FBRSL1: variants seen among roughly 807,000 people sequenced by gnomAD.
FBRSL1 encodes fibrosin like 1.
In FBRSL1, 51 loss-of-function variants were observed where a neutral mutation model predicts 89.6. The observed-to-expected ratio is 0.57, with a 90% CI of 0.45 to 0.72. The LOEUF is 0.72. FBRSL1 is among the 30% of genes least tolerant of loss of function. The pLI is 0.00. For missense variants in FBRSL1, 1,618 were observed against 1,451.8 expected (o/e 1.11, Z -1.86); for synonymous variants, 779 against 681.1 (o/e 1.14, Z -2.24).
chr12:132,574,836 G>A (rs146234351), intron 14 of FBRSL1, among the ~76,000 whole-genome samples: 197 of 152,254 alleles, frequency 1.3e-3, no homozygotes, highest in African/African-American at 4.6e-3. Flanking sequence ...CAGGGGCACG[G>A]GGTGCCGCAC....
intron 1 of FBRSL1, among the ~76,000 whole-genome samples, chr12:132,496,408 G>A (rs112443932): frequency 8.5e-5 from 13 of 152,172 alleles, no homozygotes; most frequent in African/African-American, 2.4e-4. Flanking sequence ...CCCTGCCGAG[G>A]GGCCCGTGTT....
At chr12:132,565,654 C>A (rs1217920621) in intron 5 of FBRSL1, 2 of 152,230 alleles carry the variant, frequency 1.3e-5, no homozygotes, top group Non-Finnish European at 2.9e-5. Context: ...AGTGTGTGTA[C>A]GTGCCTGAGT....
intron 5 of FBRSL1, among the ~76,000 whole-genome samples, chr12:132,558,996 C>G (rs1017806523): frequency 3.9e-5 from 6 of 152,250 alleles, no homozygotes; most frequent in African/African-American, 1.2e-4. Context: ...TTTGAGTTCG[C>G]AGTTGGTGTC....
chr12:132,494,087 A>G (rs962107644), intron 1 of FBRSL1, among the ~76,000 whole-genome samples: 2 of 152,118 alleles, frequency 1.3e-5, no homozygotes, highest in Non-Finnish European at 2.9e-5. Context: ...CTCTGTAACC[A>G]GGGGCCGTGG....
intron 5 of FBRSL1, among the ~76,000 whole-genome samples, chr12:132,548,621 G>T (rs1024239344): frequency 6.6e-6 from 1 of 152,200 alleles, no homozygotes; most frequent in South Asian, 2.1e-4. Flanking sequence ...CTTCTGCCCC[G>T]CTTGCCCCAG....
intron 2 of FBRSL1, among the ~76,000 whole-genome samples, chr12:132,515,585 G>A (rs1262157520): frequency 6.6e-6 from 1 of 150,934 alleles, no homozygotes; most frequent in African/African-American, 2.4e-5. Context: ...CCATAGTATA[G>A]ACAAGAACAG....
chr12:132,571,509 C>T (rs1028372859), intron 9 of FBRSL1: 137 of 1,531,930 alleles, frequency 8.9e-5, no homozygotes, highest in African/African-American at 1.7e-4. Flanking sequence ...CGACGCCGCC[C>T]GCCGCACCCC....
At chr12:132,548,605 G>A (rs1004956593) in intron 5 of FBRSL1, among the ~76,000 whole-genome samples, 4 of 152,214 alleles carry the variant, frequency 2.6e-5, no homozygotes, top group African/African-American at 9.6e-5. Context: ...CTCCGGGGGG[G>A]CTCTCCTTCT....
At chr12:132,519,453 A>G (rs774919033) in intron 2 of FBRSL1, among the ~76,000 whole-genome samples, 10 of 152,218 alleles carry the variant, frequency 6.6e-5, no homozygotes, top group African/African-American at 1.4e-4. Context: ...AGTTTCCCTC[A>G]TTCTGGAGCT....
intron 2 of FBRSL1, among the ~76,000 whole-genome samples, chr12:132,514,854 G>A (rs971665224): frequency 6.6e-6 from 1 of 152,098 alleles, no homozygotes; most frequent in Non-Finnish European, 1.5e-5. Flanking sequence ...GAAGTATTGC[G>A]TTTCACTCCA....
chr12:132,535,343 C>T (rs1018547143), intron 4 of FBRSL1, among the ~76,000 whole-genome samples: 11 of 152,252 alleles, frequency 7.2e-5, no homozygotes, highest in Admixed American at 2.0e-4. Context: ...GAGCTGTGCT[C>T]GGAGGGACAC....
In FBRSL1 at chr12:132,525,739, G is replaced by C. The variant is rs1156933672; in HGVS notation, c.495G>C (p.Lys165Asn). Residue 165 changes from lysine (K) to asparagine (N), a missense_variant, in exon 3 of 19, where the codon AAG becomes AAC. Transcript: ENST00000680143. ...AGTGTCTCTCTCTGTCCCAGATGAA[G>C]GTCACCGTGTCCAAAGGGGGCGACC... Reference protein sequence around the residue: ...KVPLQPSKQMKVTVSKGGDRD... With the variant: ...KVPLQPSKQMNVTVSKGGDRD... 6.5e-7 allele frequency: 1 copy of C among 1,549,452 alleles called. No homozygotes were observed.
intron 5 of FBRSL1, among the ~76,000 whole-genome samples, chr12:132,562,575 C>CTCCCCGACCCT (rs1566207221): frequency 6.6e-6 from 1 of 152,028 alleles, no homozygotes; most frequent in Non-Finnish European, 1.5e-5. Flanking sequence ...ACCCCGACCC[C>CTCCCCGACCCT]GGGGACCGCA....
intron 6 of FBRSL1, among the ~76,000 whole-genome samples, chr12:132,569,211 G>A (rs4883548): frequency 0.089 from 13,491 of 151,510 alleles, 618 homozygotes; most frequent in Middle Eastern, 0.15. Context: ...TGGGGTGTGC[G>A]GGGGTGGGGG....
intron 5 of FBRSL1, 78 bp downstream of exon 5, chr12:132,548,110 C>T (rs1309439732): frequency 2.7e-6 from 4 of 1,500,714 alleles, no homozygotes; most frequent in Admixed American, 4.0e-5. Context: ...TGAGGTGGGC[C>T]CTGGAGACCA....
intron 6 of FBRSL1, among the ~76,000 whole-genome samples, chr12:132,568,225 G>A (rs865812260): frequency 1.4e-4 from 21 of 152,206 alleles, no homozygotes; most frequent in African/African-American, 4.8e-4. Context: ...GCAGGGCCAC[G>A]GGGTCTCGGC....
chr12:132,583,483 C>T lies in FBRSL1; in HGVS notation c.2714C>T (p.Ala905Val). The T allele has an allele frequency of 2.9e-6, 3 of 1,050,820 alleles. No individual in the cohort carries two copies. Among genetic ancestry groups the T allele is most frequent in the Non-Finnish European group, 3.4e-6 (3 of 871,260 alleles). 65.1% of individuals were successfully genotyped at this position (1,050,820 alleles called of 1,614,324 possible). A position where few individuals can be genotyped will look rare whatever the true frequency, so the allele number is the denominator to read the frequency against. Residue 905 changes from alanine to valine, a missense_variant, in exon 19 of 19, where the codon GCG (alanine) becomes GTG (valine). Physicochemically the swap from Ala to Val is moderately conservative, Grantham distance 64. Transcript: ENST00000680143. ...PERLRGELERARAPHLPPAAP... is the reference protein window; with the variant it reads ...PERLRGELERVRAPHLPPAAP... ...CGCCTGCGCGGGGAGCTGGAGCGCG[C>T]GCGGGCCCCGCACCTGCCGCCCGCC...
At chr12:132,561,005 A>G (rs1292631877) in intron 5 of FBRSL1, among the ~76,000 whole-genome samples, 2 of 152,146 alleles carry the variant, frequency 1.3e-5, no homozygotes, top group Non-Finnish European at 2.9e-5. Context: ...CGAGCCCCAG[A>G]AGGTGCAGCT....
At chr12:132,497,046 G>A (rs1400673655) in intron 1 of FBRSL1, among the ~76,000 whole-genome samples, 1 of 152,232 alleles carries the variant, frequency 6.6e-6, no homozygotes, top group African/African-American at 2.4e-5. Flanking sequence ...CCGACGGTTC[G>A]GATTTTTGCC....
Sources: gnomAD v4.1 joint callset for allele counts (sites outside exome capture counted in the v4.1 genomes callset) on GRCh38, gnomAD v4.1.1 for gene constraint, MANE v1.5 for transcripts, NCBI Gene and HGNC (gene_info 2026-07-23, HGNC 2026-07-21) for gene names.